The following ASTN1 variants were observed in gnomAD, a reference collection of about 807,000 sequenced individuals.
ASTN1 encodes the protein astrotactin-1.
Under a neutral mutation model 140.7 loss-of-function variants are expected in ASTN1, and 41 were observed. The observed-to-expected ratio is 0.29, with a 90% CI of 0.23 to 0.38. The LOEUF (loss-of-function observed/expected upper bound fraction) is 0.38. Ranked by LOEUF, ASTN1 falls within the 10% of genes least tolerant of loss-of-function variation. ASTN1 has a pLI of 1.00. For missense variants in ASTN1, 1,479 were observed against 1,678.8 expected (o/e 0.88, Z 2.08); for synonymous variants, 640 against 652.2 (o/e 0.98, Z 0.29).
Position 176,864,480 on chromosome 1 carries a change from C to A in ASTN1, c.3689G>T (p.Ser1230Ile). ...LILSQLGDLS[S>I]WCNGLLQEPK... Reference sequence around the variant, plus strand: ...TTCCTGAAGGAGTCCATTGCACCAACTGCTGAGGTCCCCAAGCTGGGAAAG... The same window carrying A: ...TTCCTGAAGGAGTCCATTGCACCAAATGCTGAGGTCCCCAAGCTGGGAAAG... The change falls in exon 23 of 23, where the codon AGT (serine) becomes ATT (isoleucine). Residue 1230 changes from serine (S) to isoleucine (I), a missense_variant. By Grantham distance (142) the Ser-to-Ile change is moderately radical. This residue lies in a region of ASTN1 where 746 missense variants were observed against 800.9 expected (regional missense o/e 0.93). Coordinates refer to ENST00000361833, the MANE Select transcript of ASTN1 (RefSeq NM_004319.3). The A allele has an allele frequency of 6.2e-7, 1 of 1,614,164 alleles. No homozygotes were observed. The highest frequency in any genetic ancestry group is 8.5e-7 in the Non-Finnish European group (1 of 1,180,022).
intron 2 of ASTN1, among the ~76,000 whole-genome samples, chr1:177,055,902 C>T (rs1002552772): frequency 6.6e-6 from 1 of 152,202 alleles, no homozygotes; most frequent in Non-Finnish European, 1.5e-5. Flanking sequence ...ACAAAAAAGA[C>T]ATCTAGCCCT....
intron 1 of ASTN1, among the ~76,000 whole-genome samples, chr1:177,094,544 C>T (rs1173432719): frequency 2.6e-5 from 4 of 152,164 alleles, no homozygotes; most frequent in Non-Finnish European, 5.9e-5. Flanking sequence ...CCAACTTACC[C>T]AACACCAAAT....
At chr1:176,954,680 T>C (rs1672326275) in intron 11 of ASTN1, among the ~76,000 whole-genome samples, 1 of 152,194 alleles carries the variant, frequency 6.6e-6, no homozygotes, top group Non-Finnish European at 1.5e-5. Flanking sequence ...AACACAGCTC[T>C]TACCTTGCAC....
At chr1:176,885,479 G>A (rs1323882905) in intron 18 of ASTN1, among the ~76,000 whole-genome samples, 1 of 152,056 alleles carries the variant, frequency 6.6e-6, no homozygotes, top group Admixed American at 6.6e-5. Flanking sequence ...AAGATGACTG[G>A]ATTCTGGGAA....
At chr1:177,154,809 A>T (rs976243149) in intron 1 of ASTN1, among the ~76,000 whole-genome samples, 3 of 152,182 alleles carry the variant, frequency 2.0e-5, no homozygotes, top group African/African-American at 7.2e-5. Context: ...AAGGGCTTTC[A>T]GAGACCTATA....
chr1:177,084,414 G>C (rs1430527464), intron 1 of ASTN1, among the ~76,000 whole-genome samples: 2 of 152,142 alleles, frequency 1.3e-5, no homozygotes, highest in Non-Finnish European at 2.9e-5. Context: ...CCCACAAAGA[G>C]AAAATCTCCA....
At chr1:176,912,695 A>AT (rs1670297056) in intron 16 of ASTN1, among the ~76,000 whole-genome samples, 3 of 152,072 alleles carry the variant, frequency 2.0e-5, no homozygotes, top group African/African-American at 7.2e-5. Context: ...AAGCTATACT[A>AT]CCTCCCATAA....
At chr1:177,149,542 A>AGTATATATATAGTAAATATATATACACT (rs1558131323) in intron 1 of ASTN1, among the ~76,000 whole-genome samples, 1 of 73,710 alleles carries the variant, frequency 1.4e-5, no homozygotes, top group Non-Finnish European at 2.1e-5. Flanking sequence ...AAATATATAT[A>AGTATATATATAGTAAATATATATACACT]GTATATATAT....
intron 22 of ASTN1, among the ~76,000 whole-genome samples, chr1:176,867,285 T>C (rs1347427754): frequency 6.7e-6 from 1 of 149,580 alleles, no homozygotes. Context: ...ATACACTCAA[T>C]AAATGTCAGA....
chr1:177,121,722 G>T (rs1681396558), intron 1 of ASTN1, among the ~76,000 whole-genome samples: 1 of 151,930 alleles, frequency 6.6e-6, no homozygotes, highest in Admixed American at 6.6e-5. Flanking sequence ...ATGATTTGCT[G>T]ACCTGAGGGC....
At chr1:176,951,340 G>T (rs962273022) in intron 11 of ASTN1, among the ~76,000 whole-genome samples, 2 of 152,240 alleles carry the variant, frequency 1.3e-5, no homozygotes, top group African/African-American at 4.8e-5. Context: ...GCTGGCTTCA[G>T]CACTGTGCGG....
chr1:177,163,097 G>T (rs961051867), intron 1 of ASTN1, among the ~76,000 whole-genome samples: 5 of 152,164 alleles, frequency 3.3e-5, no homozygotes, highest in African/African-American at 1.2e-4. Context: ...TCCTATGAAG[G>T]AAGAGCAAGA....
intron 2 of ASTN1, among the ~76,000 whole-genome samples, chr1:177,054,550 G>A (rs1198600765): frequency 6.6e-6 from 1 of 152,212 alleles, no homozygotes; most frequent in Non-Finnish European, 1.5e-5. Context: ...AAAACCACCA[G>A]GGGAAGGCTA....
intron 1 of ASTN1, among the ~76,000 whole-genome samples, chr1:177,104,813 T>C (rs1680475530): frequency 6.6e-6 from 1 of 152,198 alleles, no homozygotes; most frequent in Non-Finnish European, 1.5e-5. Context: ...CTCCTTCTTC[T>C]ATCAGTAAGA....
chr1:177,081,149 G>A (rs1679162010), intron 1 of ASTN1, among the ~76,000 whole-genome samples: 2 of 152,132 alleles, frequency 1.3e-5, no homozygotes, highest in African/African-American at 4.8e-5. Context: ...TAAAAGCCAA[G>A]GCCTTCTCAT....
At chr1:176,913,351 G>A (rs963104747) in intron 16 of ASTN1, among the ~76,000 whole-genome samples, 3 of 152,136 alleles carry the variant, frequency 2.0e-5, no homozygotes, top group Admixed American at 6.5e-5. Flanking sequence ...ATCACATTGG[G>A]TTGTTGGCTT....
chr1:176,957,441 T>A (rs1672456428), intron 11 of ASTN1, among the ~76,000 whole-genome samples: 1 of 152,202 alleles, frequency 6.6e-6, no homozygotes, highest in Non-Finnish European at 1.5e-5. Context: ...TCTTATCAAC[T>A]AATTTTTTCT....
chr1:176,875,461 C>T (rs564659852), intron 21 of ASTN1, among the ~76,000 whole-genome samples: 13 of 152,180 alleles, frequency 8.5e-5, no homozygotes, highest in South Asian at 2.1e-4. Context: ...ATAACCCTAC[C>T]TTTAACATGC....
At chr1:177,161,063 C>T (rs1192055276) in intron 1 of ASTN1, among the ~76,000 whole-genome samples, 2 of 152,164 alleles carry the variant, frequency 1.3e-5, no homozygotes, top group Non-Finnish European at 2.9e-5. Flanking sequence ...TTTGCAAACC[C>T]CATCTCAGAG....
Sources: gnomAD v4.1 joint callset for allele counts (sites outside exome capture counted in the v4.1 genomes callset) on GRCh38, gnomAD v4.1.1 for gene constraint, gnomAD v4.1.1 regional missense constraint, MANE v1.5 for transcripts, NCBI Gene and HGNC (gene_info 2026-07-23, HGNC 2026-07-21) for gene names.